The following FER1L6 variants were observed in gnomAD, a reference collection of about 807,000 sequenced individuals.
FER1L6 encodes fer-1-like protein 6.
FER1L6 carries 177 observed loss-of-function variants against 219.2 expected under a neutral mutation model. The observed-to-expected ratio is 0.81, with a 90% CI of 0.71 to 0.91. The LOEUF is 0.91. FER1L6 is among the 40% of genes least tolerant of loss of function. The pLI, the probability that FER1L6 is intolerant of heterozygous loss-of-function variation, is 0.00. For synonymous variants in FER1L6, 768 were observed against 824.3 expected, an observed-to-expected ratio of 0.93 and a Z score of 1.17; for missense variants, 2,153 against 2,259.9, an observed-to-expected ratio of 0.95 and a Z score of 0.96.
chr8:124,085,420 T>TTTGC (rs1417746925), intron 33 of FER1L6, among the ~76,000 whole-genome samples: 2 of 151,568 alleles, frequency 1.3e-5, no homozygotes, highest in Non-Finnish European at 1.5e-5. Context: ...TGTTGGTATG[T>TTTGC]TTCCATTTTC....
At chr8:124,034,854 T>A (rs987901358) in intron 18 of FER1L6, among the ~76,000 whole-genome samples, 2 of 152,096 alleles carry the variant, frequency 1.3e-5, no homozygotes, top group African/African-American at 4.8e-5. Flanking sequence ...GGGTTCAGAG[T>A]CTAGAGTCTA....
intron 9 of FER1L6, 71 bp downstream of exon 9, chr8:123,976,155 C>A: frequency 8.2e-7 from 1 of 1,214,842 alleles, no homozygotes; most frequent in South Asian, 1.8e-5. Flanking sequence ...TATGTTTAAT[C>A]AAATCAAATT....
At chr8:123,968,385 G>A (rs1358340486) in intron 5 of FER1L6, among the ~76,000 whole-genome samples, 1 of 152,122 alleles carries the variant, frequency 6.6e-6, no homozygotes, top group South Asian at 2.1e-4. Flanking sequence ...CAAGCCTAAA[G>A]TTCATCAGAT....
At chr8:123,970,433 T>TA (rs939654005) in intron 6 of FER1L6, among the ~76,000 whole-genome samples, 1 of 152,306 alleles carries the variant, frequency 6.6e-6, no homozygotes, top group African/African-American at 2.4e-5. Flanking sequence ...TGTTTTTTTT[T>TA]AAATCAGGCA....
intron 1 of FER1L6, among the ~76,000 whole-genome samples, chr8:123,912,299 G>A (rs924280970): frequency 2.6e-5 from 4 of 151,554 alleles, no homozygotes; most frequent in Admixed American, 1.3e-4. Flanking sequence ...GAAGAAGAAA[G>A]CCTACTAAGT....
chr8:123,871,116 A>G (rs1474570010), intron 1 of FER1L6, among the ~76,000 whole-genome samples: 1 of 152,232 alleles, frequency 6.6e-6, no homozygotes, highest in Non-Finnish European at 1.5e-5. Flanking sequence ...AGAAGTCTAT[A>G]ATAATCCATT....
chr8:123,969,881 A>AAAAT (rs1204927846), intron 5 of FER1L6, among the ~76,000 whole-genome samples, 154 bp from the exon 6 acceptor site: 1 of 151,914 alleles, frequency 6.6e-6, no homozygotes, highest in Non-Finnish European at 1.5e-5. Flanking sequence ...AAAAAAAAAA[A>AAAAT]AAAAAGAGAA....
At chr8:124,006,612 T>A (rs541437495) in intron 13 of FER1L6, among the ~76,000 whole-genome samples, 5 of 152,234 alleles carry the variant, frequency 3.3e-5, no homozygotes, top group African/African-American at 1.2e-4. Context: ...GCAAAGCACA[T>A]GCATTCACAT....
At chr8:124,069,952 T>C (rs1401349946) in intron 29 of FER1L6, among the ~76,000 whole-genome samples, 4 of 152,234 alleles carry the variant, frequency 2.6e-5, no homozygotes, top group African/African-American at 9.6e-5. Context: ...GCAATTTATA[T>C]AGGAAAGTTG....
At chr8:123,995,167 G>C (rs920397711) in intron 12 of FER1L6, among the ~76,000 whole-genome samples, 6 of 152,174 alleles carry the variant, frequency 3.9e-5, no homozygotes, top group African/African-American at 1.4e-4. Flanking sequence ...AAAGCTCACA[G>C]CATGAATCTC....
At chr8:124,034,212 G>A (rs1254473537) in intron 18 of FER1L6, among the ~76,000 whole-genome samples, 2 of 152,030 alleles carry the variant, frequency 1.3e-5, no homozygotes, top group Admixed American at 6.5e-5. Flanking sequence ...ACACCAGGAA[G>A]AGGAACTTAG....
intron 11 of FER1L6, 118 bp downstream of exon 11, chr8:123,980,929 T>C (rs923534454): frequency 1.2e-6 from 1 of 868,842 alleles, no homozygotes; most frequent in South Asian, 1.8e-5. Flanking sequence ...TCTGAAAAAT[T>C]TGTGTTGGCC....
chr8:124,040,038 T>C, intron 20 of FER1L6, 32 bp downstream of exon 20: 1 of 1,613,508 alleles, frequency 6.2e-7, no homozygotes, highest in Non-Finnish European at 8.5e-7. Context: ...GCCTGCTTCT[T>C]TCCTGCAGCC....
At chr8:123,923,651 A>G (rs1391833084) in intron 1 of FER1L6, among the ~76,000 whole-genome samples, 3 of 152,176 alleles carry the variant, frequency 2.0e-5, no homozygotes, top group African/African-American at 7.2e-5. Flanking sequence ...AACCCTTAAC[A>G]TATGCCTGGC....
At chr8:123,957,062 A>G (rs1048513429) in intron 2 of FER1L6, among the ~76,000 whole-genome samples, 1 of 152,160 alleles carries the variant, frequency 6.6e-6, no homozygotes, top group Non-Finnish European at 1.5e-5. Context: ...AGTTTTCTGG[A>G]CCATTCCTAA....
intron 20 of FER1L6, among the ~76,000 whole-genome samples, chr8:124,044,839 A>C (rs765129578): frequency 2.0e-5 from 3 of 152,202 alleles, no homozygotes; most frequent in African/African-American, 4.8e-5. Context: ...AAAATGCAAG[A>C]CCAAATATGC....
intron 39 of FER1L6, among the ~76,000 whole-genome samples, chr8:124,113,620 A>C (rs552184795): frequency 6.6e-6 from 1 of 152,316 alleles, no homozygotes; most frequent in Admixed American, 6.5e-5. Context: ...ATCATGGTTT[A>C]TGTACTGCTT....
intron 2 of FER1L6, among the ~76,000 whole-genome samples, chr8:123,959,261 C>T (rs1815162978): frequency 6.6e-6 from 1 of 152,178 alleles, no homozygotes; most frequent in South Asian, 2.1e-4. Context: ...TAGAGGGAGG[C>T]ATATGTGATT....
intron 1 of FER1L6, among the ~76,000 whole-genome samples, chr8:123,891,824 G>T (rs1371468279): frequency 6.6e-6 from 1 of 152,144 alleles, no homozygotes; most frequent in East Asian, 1.9e-4. Flanking sequence ...GAGACACAGG[G>T]CCAGAAATTA....
Sources: allele counts gnomAD v4.1 joint callset (sites outside exome capture counted in the v4.1 genomes callset), GRCh38; gene constraint gnomAD v4.1.1; transcripts MANE v1.5; gene names NCBI Gene and HGNC (gene_info 2026-07-23, HGNC 2026-07-21).